Variants in GRIK1 observed in about 807,000 individuals in gnomAD.
GRIK1 encodes glutamate receptor ionotropic, kainate 1.
Under a neutral mutation model 105.7 loss-of-function variants are expected in GRIK1, and 69 were observed. That is an observed-to-expected ratio of 0.65 (90% confidence interval 0.54 to 0.80). GRIK1 has a LOEUF of 0.80. Among genes scored for constraint, GRIK1 ranks in the 30% least tolerant of loss-of-function variants. The pLI is 0.00. For synonymous variants in GRIK1, 438 were observed against 431.3 expected (o/e 1.02, Z -0.19); for missense variants, 1,109 against 1,167.3 (o/e 0.95, Z 0.73).
At chr21:29,711,436 C>T (rs773387670) in intron 1 of GRIK1, among the ~76,000 whole-genome samples, 121 of 151,836 alleles carry the variant, frequency 8.0e-4, no homozygotes, top group Admixed American at 4.6e-4. Context: ...TGCATTTTTC[C>T]AGAATATAGA....
Position 29,620,779 on chromosome 21 carries a change from ATAGATATATATAT to A in GRIK1, c.1099-21855_1099-21843del, listed in dbSNP as rs1568897200. Among the ~76,000 whole-genome samples the A allele has an allele frequency of 7.9e-3, 929 of 117,020 alleles. 7 individuals carry two copies. Among genetic ancestry groups the A allele is most frequent in the African/African-American group, 0.037 (880 of 23,550 alleles). The allele number at this position is 117,020 out of a possible 152,430, so 76.8% of individuals were successfully genotyped here. Reference sequence around the variant, plus strand: ...TAAATGGTATGAAAGTCATATATATATAGATATATATATCTATATATATATAGATATATATATA... The same window carrying A: ...TAAATGGTATGAAAGTCATATATATACTATATATATATAGATATATATATA... On this transcript the variant is annotated intron_variant, in intron 7 of 17. Transcript: ENST00000327783.
chr21:29,610,463 A>C (rs2061707084), intron 7 of GRIK1, among the ~76,000 whole-genome samples: 1 of 152,202 alleles, frequency 6.6e-6, no homozygotes, highest in Admixed American at 6.5e-5. Flanking sequence ...CAGAAATAGA[A>C]GACAGAGAGA....
intron 1 of GRIK1, among the ~76,000 whole-genome samples, chr21:29,776,609 T>G (rs2065950049): frequency 6.6e-6 from 1 of 152,166 alleles, no homozygotes; most frequent in African/African-American, 2.4e-5. Flanking sequence ...TGGATGGTAT[T>G]TATTAACGGT....
At chr21:29,591,073 C>A (rs756064156) in intron 10 of GRIK1, 39 bp downstream of exon 10, 2 of 1,073,494 alleles carry the variant, frequency 1.9e-6, no homozygotes, top group African/African-American at 1.5e-5. Context: ...AAGGCAGGAG[C>A]CTGGATAAGA....
chr21:29,697,691 G>A (rs1457704870), intron 1 of GRIK1, among the ~76,000 whole-genome samples: 2 of 152,034 alleles, frequency 1.3e-5, no homozygotes, highest in African/African-American at 2.4e-5. Flanking sequence ...CCTCACATGT[G>A]GGCAGACTGT....
chr21:29,784,073 C>T (rs1327806841), intron 1 of GRIK1, among the ~76,000 whole-genome samples: 2 of 152,160 alleles, frequency 1.3e-5, no homozygotes, highest in African/African-American at 4.8e-5. Context: ...GCTGGGACTA[C>T]AGGACTGTTG....
chr21:29,557,115 G>A (rs1014860139), intron 15 of GRIK1, among the ~76,000 whole-genome samples: 4 of 152,138 alleles, frequency 2.6e-5, no homozygotes, highest in Non-Finnish European at 2.9e-5. Context: ...CTGGATTTTG[G>A]TTAATCAATG....
intron 1 of GRIK1, among the ~76,000 whole-genome samples, chr21:29,911,537 A>G (rs952506364): frequency 2.0e-5 from 3 of 152,206 alleles, no homozygotes; most frequent in South Asian, 2.1e-4. Flanking sequence ...TTAATATTAC[A>G]TACTCTGATT....
At chr21:29,560,399 TCC>T (rs1491200564) in intron 15 of GRIK1, among the ~76,000 whole-genome samples, 1 of 99,266 alleles carries the variant, frequency 1.0e-5, no homozygotes, top group African/African-American at 4.5e-5. Context: ...CTTCCTTCCT[TCC>T]TTTCTTTCTT....
At chr21:29,570,843 CTTT>C (rs34929553) in intron 14 of GRIK1, among the ~76,000 whole-genome samples, 1 of 146,038 alleles carries the variant, frequency 6.8e-6, no homozygotes. Flanking sequence ...CTTAGAGTTG[CTTT>C]TTTTTTTTTT....
intron 7 of GRIK1, among the ~76,000 whole-genome samples, chr21:29,600,183 C>T (rs1163952277): frequency 6.6e-6 from 1 of 152,118 alleles, no homozygotes; most frequent in Non-Finnish European, 1.5e-5. Flanking sequence ...GGATAATTTC[C>T]CCATCTCAAA....
intron 1 of GRIK1, among the ~76,000 whole-genome samples, chr21:29,791,555 G>A (rs143124323): frequency 1.3e-5 from 2 of 152,318 alleles, no homozygotes; most frequent in East Asian, 3.9e-4. Flanking sequence ...CAATGGGCCT[G>A]AAATAGTCCA....
At chr21:29,857,819 G>A (rs545453787) in intron 1 of GRIK1, among the ~76,000 whole-genome samples, 1 of 152,274 alleles carries the variant, frequency 6.6e-6, no homozygotes, top group South Asian at 2.1e-4. Context: ...ATCATGTCAA[G>A]ACTTTAACCA....
At chr21:29,846,461 G>C (rs1354055460) in intron 1 of GRIK1, among the ~76,000 whole-genome samples, 1 of 129,080 alleles carries the variant, frequency 7.7e-6, no homozygotes, top group African/African-American at 2.8e-5. Context: ...AGGAAAGAGA[G>C]AGAGAAAGAA....
intron 3 of GRIK1, among the ~76,000 whole-genome samples, chr21:29,677,566 T>C (rs987903697): frequency 2.6e-5 from 4 of 151,588 alleles, no homozygotes; most frequent in African/African-American, 9.7e-5. Flanking sequence ...AGGCAACAGG[T>C]GGAGCATATG....
At chr21:29,893,026 G>C (rs964158462) in intron 1 of GRIK1, among the ~76,000 whole-genome samples, 4 of 152,140 alleles carry the variant, frequency 2.6e-5, no homozygotes, top group African/African-American at 9.7e-5. Flanking sequence ...GATACAATTA[G>C]CTGGGCATGG....
At chr21:29,607,019 T>G (rs2061636196) in intron 7 of GRIK1, among the ~76,000 whole-genome samples, 1 of 152,112 alleles carries the variant, frequency 6.6e-6, no homozygotes. Context: ...GTATATGAAG[T>G]AGTGGGTATT....
intron 1 of GRIK1, among the ~76,000 whole-genome samples, chr21:29,809,595 G>T (rs1007438881): frequency 3.3e-5 from 5 of 152,158 alleles, no homozygotes; most frequent in African/African-American, 1.2e-4. Context: ...CAGCAATAAG[G>T]CTGTTTTGCT....
At chr21:29,683,083 C>T (rs575354286) in intron 3 of GRIK1, among the ~76,000 whole-genome samples, 1 of 152,252 alleles carries the variant, frequency 6.6e-6, no homozygotes, top group South Asian at 2.1e-4. Flanking sequence ...CTACAAGACA[C>T]CATCTCACAC....
Sources: allele counts gnomAD v4.1 joint callset (sites outside exome capture counted in the v4.1 genomes callset), GRCh38; gene constraint gnomAD v4.1.1; transcripts MANE v1.5; gene names NCBI Gene and HGNC (gene_info 2026-07-23, HGNC 2026-07-21).